Variants in ARHGAP6 observed in about 807,000 individuals in gnomAD.
The protein encoded by ARHGAP6 is rho GTPase-activating protein 6.
ARHGAP6 carries 16 observed loss-of-function variants against 55.7 expected under a neutral mutation model. The ratio of observed to expected loss-of-function variants is 0.29; its 90% CI spans 0.19 to 0.44. The LOEUF is 0.44. ARHGAP6 is among the 20% of genes least tolerant of loss of function. The pLI, the probability that ARHGAP6 is intolerant of heterozygous loss-of-function variation, is 1.00. For missense variants in ARHGAP6, 698 were observed against 808.9 expected (o/e 0.86, Z 1.66); for synonymous variants, 382 against 360.9 (o/e 1.06, Z -0.66).
chrX:11,156,770 C>T (rs774310427), intron 9 of ARHGAP6, 144 bp from the exon 10 acceptor site: 15 of 455,182 alleles, frequency 3.3e-5, no homozygotes, highest in African/African-American at 4.9e-5. Flanking sequence ...ACCAAACCTA[C>T]GCCAACCCAT....
At chrX:11,271,536 C>T (rs1004814824) in intron 1 of ARHGAP6, among the ~76,000 whole-genome samples, 29 of 111,653 alleles carry the variant, frequency 2.6e-4, no homozygotes, top group Non-Finnish European at 2.5e-4. Flanking sequence ...AAATTACATG[C>T]GACTTCATAA....
intron 1 of ARHGAP6, among the ~76,000 whole-genome samples, chrX:11,348,563 C>T (rs1325813863): frequency 8.9e-6 from 1 of 112,255 alleles, no homozygotes; most frequent in Non-Finnish European, 1.9e-5. Flanking sequence ...ACCATGGGAA[C>T]TCAGCACATC....
chrX:11,299,480 C>T (rs1278817611), intron 1 of ARHGAP6, among the ~76,000 whole-genome samples: 1 of 111,875 alleles, frequency 8.9e-6, no homozygotes, highest in Non-Finnish European at 1.9e-5. Context: ...CAGTAGTTTT[C>T]AATCTAACTT....
chrX:11,627,022 C>A (rs73184402), intron 1 of ARHGAP6, among the ~76,000 whole-genome samples: 13,935 of 110,759 alleles, frequency 0.13, 793 homozygotes, highest in Middle Eastern at 0.23. Context: ...CTTGCTATAT[C>A]AGAGTAATAA....
chrX:11,624,647 G>A (rs2052273198), intron 1 of ARHGAP6, among the ~76,000 whole-genome samples: 1 of 112,439 alleles, frequency 8.9e-6, no homozygotes, highest in African/African-American at 3.2e-5. Context: ...CGCCTCCCGG[G>A]TTCATGCCAT....
intron 1 of ARHGAP6, among the ~76,000 whole-genome samples, chrX:11,281,064 GA>G (rs2047848678): frequency 8.9e-6 from 1 of 111,895 alleles, no homozygotes; most frequent in Non-Finnish European, 1.9e-5. Flanking sequence ...TCACATAATG[GA>G]AAACTATGCA....
chrX:11,175,585 C>A (rs1304095550), intron 8 of ARHGAP6, among the ~76,000 whole-genome samples: 1 of 111,787 alleles, frequency 8.9e-6, no homozygotes, highest in Non-Finnish European at 1.9e-5. Context: ...TTTCTAACAA[C>A]ACATGGTCAG....
chrX:11,431,575 G>A (rs997075389), intron 1 of ARHGAP6, among the ~76,000 whole-genome samples: 4 of 111,577 alleles, frequency 3.6e-5, no homozygotes, highest in African/African-American at 1.3e-4. Flanking sequence ...TGAAGGCCCA[G>A]CCCCACCATT....
chrX:11,171,868 C>G (rs184364387), intron 8 of ARHGAP6, among the ~76,000 whole-genome samples: 1 of 111,748 alleles, frequency 8.9e-6, no homozygotes, highest in East Asian at 2.8e-4. Context: ...GTTGTGACAA[C>G]CAGAATTATC....
intron 1 of ARHGAP6, among the ~76,000 whole-genome samples, chrX:11,630,890 G>A (rs958643246): frequency 9.0e-5 from 10 of 111,308 alleles, no homozygotes; most frequent in African/African-American, 3.3e-4. Flanking sequence ...TTTTTTGTCC[G>A]ATTTCCTCAT....
chrX:11,188,503 T>C lies in ARHGAP6; in HGVS notation c.1077+225A>G, dbSNP rs1289186659. Among the ~76,000 whole-genome samples the C allele has an allele frequency of 6.2e-5, 7 of 112,004 alleles. No individual in the cohort carries two copies. In the South Asian group the frequency reaches 2.3e-3, roughly 36 times the overall value. ...TGTTTAGGAGAGCATGGAGCAAAGA[T>C]GTGACAAAGGAGGGACACCCAACAG... is the stretch of plus-strand genomic sequence containing the variant. On this transcript the variant is annotated intron_variant, in intron 4 of 12. Transcript: ENST00000337414.
intron 8 of ARHGAP6, among the ~76,000 whole-genome samples, chrX:11,173,339 C>G (rs923873918): frequency 8.9e-6 from 1 of 111,972 alleles, no homozygotes; most frequent in Non-Finnish European, 1.9e-5. Context: ...GTAATCATGG[C>G]CCTACACTGG....
intron 1 of ARHGAP6, among the ~76,000 whole-genome samples, chrX:11,440,030 C>T (rs998906057): frequency 8.9e-6 from 1 of 112,574 alleles, no homozygotes; most frequent in African/African-American, 3.2e-5. Context: ...ATTGGTTTCC[C>T]TCCAAAGTTG....
intron 1 of ARHGAP6, among the ~76,000 whole-genome samples, chrX:11,586,264 T>G (rs2051732967): frequency 8.9e-6 from 1 of 112,308 alleles, no homozygotes; most frequent in South Asian, 3.7e-4. Context: ...ATTTCCAGAA[T>G]GGTATTGCCT....
At chrX:11,343,425 AT>A (rs1205175285) in intron 1 of ARHGAP6, among the ~76,000 whole-genome samples, 1 of 112,227 alleles carries the variant, frequency 8.9e-6, no homozygotes, top group Non-Finnish European at 1.9e-5. Flanking sequence ...AGCCCTCTAT[AT>A]TTCTTGATGA....
At chrX:11,186,748 A>G (rs1194482512) in intron 4 of ARHGAP6, among the ~76,000 whole-genome samples, 3 of 112,067 alleles carry the variant, frequency 2.7e-5, no homozygotes, top group East Asian at 5.6e-4. Flanking sequence ...CATTTCTTGA[A>G]ACAAGAAAAA....
chrX:11,151,231 T>C (rs1023732839), intron 10 of ARHGAP6, among the ~76,000 whole-genome samples: 1 of 110,259 alleles, frequency 9.1e-6, no homozygotes, highest in Admixed American at 9.6e-5. Context: ...CTGACAAGTA[T>C]ATATTTTTAA....
At chrX:11,459,605 A>G (rs1486946908) in intron 1 of ARHGAP6, among the ~76,000 whole-genome samples, 1 of 112,079 alleles carries the variant, frequency 8.9e-6, no homozygotes, top group Admixed American at 9.4e-5. Context: ...ATCAAAATTC[A>G]TCCATTTGTA....
At chrX:11,265,706 C>A in intron 1 of ARHGAP6, 1 of 878,024 alleles carries the variant, frequency 1.1e-6, no homozygotes, top group African/African-American at 2.2e-5. Flanking sequence ...TAATCAGCCG[C>A]GTCTTTGCTG....
Sources: allele counts gnomAD v4.1 joint callset (sites outside exome capture counted in the v4.1 genomes callset), GRCh38; gene constraint gnomAD v4.1.1; transcripts MANE v1.5; gene names NCBI Gene and HGNC (gene_info 2026-07-23, HGNC 2026-07-21).